Variants in SWAP70 observed in about 807,000 individuals in gnomAD.
SWAP70 encodes switching B cell complex subunit SWAP70.
SWAP70 carries 34 observed loss-of-function variants against 80.2 expected under a neutral mutation model. The ratio of observed to expected loss-of-function variants is 0.42; its 90% CI spans 0.32 to 0.56. The LOEUF is 0.56. Ranked by LOEUF, SWAP70 falls within the 20% of genes least tolerant of loss-of-function variation. The pLI is 0.09. For missense variants in SWAP70, 578 were observed against 690.7 expected (o/e 0.84, Z 1.83); for synonymous variants, 239 against 238.5 (o/e 1.00, Z -0.02).
At chr11:9,701,995 CTG>C (rs1850839245) in intron 2 of SWAP70, among the ~76,000 whole-genome samples, 1 of 152,156 alleles carries the variant, frequency 6.6e-6, no homozygotes, top group Non-Finnish European at 1.5e-5. Flanking sequence ...ATTGGGGAAT[CTG>C]GTGCTTTCTA....
rs1296910457 is a variant in SWAP70, at chr11:9,749,865, T to A, written c.1653T>A (p.Gly551=). The A allele has an allele frequency of 6.2e-7, 1 of 1,608,678 alleles. No individual in the cohort carries two copies. The highest frequency in any genetic ancestry group is 8.5e-7 in the Non-Finnish European group (1 of 1,175,214). Residue 551 remains glycine (G), a splice_region_variant and synonymous_variant, in exon 12 of 12, where the codon GGT becomes GGA. Coordinates refer to ENST00000318950, the MANE Select transcript of SWAP70 (RefSeq NM_015055.4). ...HEGLIRLIEP[G]SKNPHLITNW... ...ATTTAAAGCATGTTTGCCTCTTAGG[T>A]TCAAAGAACCCTCACCTGATCACTA...
chr11:9,678,303 T>G (rs1422551444), intron 1 of SWAP70, among the ~76,000 whole-genome samples: 1 of 152,090 alleles, frequency 6.6e-6, no homozygotes, highest in East Asian at 1.9e-4. Flanking sequence ...CTAAAGTCTT[T>G]GTAAATATTT....
At chr11:9,740,738 G>A (rs1851425989) in intron 9 of SWAP70, 1 of 221,058 alleles carries the variant, frequency 4.5e-6, no homozygotes, top group Admixed American at 5.2e-5. Flanking sequence ...TCAGGCCAAC[G>A]TTGCCGTCAG....
intron 1 of SWAP70, among the ~76,000 whole-genome samples, chr11:9,670,538 A>G (rs956476523): frequency 2.0e-5 from 3 of 151,844 alleles, no homozygotes; most frequent in Admixed American, 1.3e-4. Context: ...TCAGTAAGGA[A>G]TTTGGTAGTT....
intron 1 of SWAP70, among the ~76,000 whole-genome samples, chr11:9,674,984 A>AAT (rs1850469921): frequency 2.7e-5 from 4 of 149,766 alleles, no homozygotes; most frequent in Non-Finnish European, 4.5e-5. Flanking sequence ...AAAAAAAAAA[A>AAT]TTTTAAATTT....
At chr11:9,664,938 G>C (rs1850290934) in intron 1 of SWAP70, among the ~76,000 whole-genome samples, 3 of 152,170 alleles carry the variant, frequency 2.0e-5, no homozygotes, top group African/African-American at 7.2e-5. Flanking sequence ...CGGGTGAGGA[G>C]CGCTGATCTT....
chr11:9,749,526 G>A (rs1398978937), intron 11 of SWAP70, among the ~76,000 whole-genome samples: 2 of 152,168 alleles, frequency 1.3e-5, no homozygotes, highest in South Asian at 2.1e-4. Context: ...AATTACAGGC[G>A]TGAGCCACCA....
intron 1 of SWAP70, among the ~76,000 whole-genome samples, chr11:9,687,955 G>A (rs996471400): frequency 6.6e-6 from 1 of 152,178 alleles, no homozygotes; most frequent in African/African-American, 2.4e-5. Flanking sequence ...CTTGAAGGAT[G>A]TGACTAGGCA....
chr11:9,738,101 G>T, intron 7 of SWAP70, 112 bp from the exon 8 acceptor site: 2 of 578,144 alleles, frequency 3.5e-6, no homozygotes, highest in African/African-American at 1.9e-5. Flanking sequence ...TATCTTTATT[G>T]AATGTTAAGA....
chr11:9,719,184 C>A (rs1337025022), intron 3 of SWAP70, among the ~76,000 whole-genome samples: 1 of 148,364 alleles, frequency 6.7e-6, no homozygotes, highest in African/African-American at 2.5e-5. Context: ...GCAGGCTGAT[C>A]ACTTGAGCTC....
chr11:9,745,216 T>C (rs60601382), intron 9 of SWAP70, among the ~76,000 whole-genome samples: 15,109 of 152,274 alleles, frequency 0.099, 1,904 homozygotes, highest in East Asian at 0.28. Context: ...TACTTTTAGC[T>C]GTGTAACTTG....
intron 1 of SWAP70, among the ~76,000 whole-genome samples, chr11:9,690,382 AG>A (rs1850683371): frequency 6.6e-6 from 1 of 151,994 alleles, no homozygotes; most frequent in Non-Finnish European, 1.5e-5. Flanking sequence ...GTTTGAGACC[AG>A]TCTGGCCAAC....
intron 11 of SWAP70, among the ~76,000 whole-genome samples, chr11:9,749,538 G>A (rs952467748): frequency 6.6e-6 from 1 of 152,112 alleles, no homozygotes; most frequent in Non-Finnish European, 1.5e-5. Flanking sequence ...GAGCCACCAC[G>A]CCCTGCCCAT....
chr11:9,741,374 G>GC (rs1378499468), intron 9 of SWAP70: 1 of 152,048 alleles, frequency 6.6e-6, no homozygotes, highest in African/African-American at 2.4e-5. Flanking sequence ...GCATATATAG[G>GC]CCCCACAGGT....
At chr11:9,725,557 ATATATATATATATTTTTTTTT>A (rs1564829515) in intron 4 of SWAP70, among the ~76,000 whole-genome samples, 4 of 10,282 alleles carry the variant, frequency 3.9e-4, no homozygotes, top group East Asian at 1.6e-3. Context: ...ATATATATAT[ATATATATATATATTTTTTTTT>A]TTTTTTTTTT....
intron 2 of SWAP70, among the ~76,000 whole-genome samples, chr11:9,701,932 G>A (rs1446155530): frequency 6.6e-6 from 1 of 152,084 alleles, no homozygotes; most frequent in Non-Finnish European, 1.5e-5. Context: ...TTAAGTCTTG[G>A]TTTGGGCTAT....
intron 7 of SWAP70, among the ~76,000 whole-genome samples, chr11:9,736,697 CATT>C (rs1477749549): frequency 6.6e-6 from 1 of 152,144 alleles, no homozygotes; most frequent in African/African-American, 2.4e-5. Flanking sequence ...TCTGATCTCT[CATT>C]TAAGCTTTCC....
chr11:9,729,505 T>C (rs75112532), intron 6 of SWAP70, 54 bp downstream of exon 6: 1 of 1,098,914 alleles, frequency 9.1e-7, no homozygotes, highest in East Asian at 2.8e-5. Flanking sequence ...TCTGACTTTC[T>C]TTTTTTTTTC....
intron 6 of SWAP70, among the ~76,000 whole-genome samples, chr11:9,730,344 A>C (rs1851281398): frequency 6.6e-6 from 1 of 151,920 alleles, no homozygotes; most frequent in African/African-American, 2.4e-5. Flanking sequence ...AAAAAAAAAA[A>C]AAGAACATGT....
Sources: gnomAD v4.1 joint callset for allele counts (sites outside exome capture counted in the v4.1 genomes callset) on GRCh38, gnomAD v4.1.1 for gene constraint, MANE v1.5 for transcripts, NCBI Gene and HGNC (gene_info 2026-07-23, HGNC 2026-07-21) for gene names.